The following KDM4C variants were observed in gnomAD, a reference collection of about 807,000 sequenced individuals.
KDM4C encodes the protein lysine demethylase 4C.
A neutral mutation model predicts 129.3 loss-of-function variants in KDM4C; 81 were observed. The observed-to-expected ratio is 0.63, with a 90% CI of 0.52 to 0.75. The LOEUF (loss-of-function observed/expected upper bound fraction) is 0.75, where lower values mean the gene tolerates loss of function less well. Ranked by LOEUF, KDM4C falls within the 30% of genes least tolerant of loss-of-function variation. The pLI, the probability that KDM4C is intolerant of heterozygous loss-of-function variation, is 0.00. For missense variants in KDM4C, 1,457 were observed against 1,304.0 expected (o/e 1.12, Z -1.81); for synonymous variants, 573 against 456.1 (o/e 1.26, Z -3.26).
chr9:6,747,539 C>CAAAAAAAAAA (rs35996555), intron 1 of KDM4C, among the ~76,000 whole-genome samples: 10 of 98,018 alleles, frequency 1.0e-4, no homozygotes, highest in African/African-American at 1.8e-4. Context: ...CAGGGCGATT[C>CAAAAAAAAAA]AAAAAAAAAA....
intron 18 of KDM4C, among the ~76,000 whole-genome samples, chr9:7,106,254 A>G (rs1436758641): frequency 6.6e-6 from 1 of 152,256 alleles, no homozygotes; most frequent in African/African-American, 2.4e-5. Flanking sequence ...TATCAAGCAT[A>G]GAAAAGTTCA....
chr9:6,986,900 C>CT (rs1299202017), intron 11 of KDM4C: 53 of 425,568 alleles, frequency 1.2e-4, no homozygotes, highest in Middle Eastern at 6.0e-4. Flanking sequence ...GCTTGATTTT[C>CT]TTTTTTTTGT....
chr9:7,089,238 GTATTT>G (rs1835504463), intron 17 of KDM4C, among the ~76,000 whole-genome samples: 1 of 145,344 alleles, frequency 6.9e-6, no homozygotes, highest in African/African-American at 2.6e-5. Flanking sequence ...CCTCACAGGT[GTATTT>G]TATTTTATTT....
intron 8 of KDM4C, among the ~76,000 whole-genome samples, chr9:6,928,855 A>C (rs935674912): frequency 6.6e-6 from 1 of 152,150 alleles, no homozygotes; most frequent in Non-Finnish European, 1.5e-5. Context: ...TTCCCTATGG[A>C]AGTAGTGTGA....
In KDM4C at chr9:6,893,279, G is replaced by T. The variant is rs369629519; in HGVS notation, c.921+47G>T. On this transcript the variant is annotated intron_variant, in intron 8 of 21. Coordinates refer to ENST00000381309, the MANE Select transcript of KDM4C (RefSeq NM_015061.6). The stretch of plus-strand genomic sequence containing the variant: ...AAGCAAAAATTAAATGTGTATTCTG[G>T]TTATTTTAGTAGGAACCCTACGATC... 30 of 1,513,962 alleles carry T rather than the reference G, an allele frequency of 2.0e-5. No homozygotes were observed. In the South Asian group the frequency reaches 2.3e-4, roughly 12 times the overall value. The allele number at this position is 1,513,962 out of a possible 1,614,324, so 93.8% of individuals were successfully genotyped here.
At chr9:7,089,210 A>G (rs1251283675) in intron 17 of KDM4C, among the ~76,000 whole-genome samples, 1 of 152,164 alleles carries the variant, frequency 6.6e-6, no homozygotes, top group Non-Finnish European at 1.5e-5. Flanking sequence ...ATAACGTAAA[A>G]AAATCAAATT....
intron 19 of KDM4C, among the ~76,000 whole-genome samples, chr9:7,149,524 C>T (rs1307048756): frequency 1.3e-5 from 2 of 152,230 alleles, no homozygotes; most frequent in Admixed American, 6.5e-5. Context: ...CTGTTCCCAG[C>T]CCCCATGTGC....
intron 12 of KDM4C, among the ~76,000 whole-genome samples, chr9:7,005,349 C>T (rs534518343): frequency 6.4e-4 from 96 of 150,604 alleles, no homozygotes; most frequent in African/African-American, 2.0e-3. Context: ...GCAGGAGAAT[C>T]GCTTGAACCC....
intron 18 of KDM4C, among the ~76,000 whole-genome samples, chr9:7,125,268 G>T (rs1451373543): frequency 6.6e-6 from 1 of 152,150 alleles, no homozygotes; most frequent in Non-Finnish European, 1.5e-5. Context: ...GTCTGTCCTT[G>T]ATTGTGTTCT....
In KDM4C at chr9:6,931,250, T is replaced by C. The variant is rs10975909; in HGVS notation, c.921+38018T>C. On this transcript the variant is annotated intron_variant, in intron 8 of 21. Transcript: ENST00000381309. ...TGTGAAACTACCATCGCCTGACTTA[T>C]CAGCTAAAGGAGTGTATACTGAACA... is the stretch of plus-strand genomic sequence containing the variant. Among the ~76,000 whole-genome samples the C allele has an allele frequency of 2.6e-3, 389 of 152,204 alleles. 3 individuals carry two copies. The East Asian group carries it at 0.026, about 10-fold the overall frequency.
At chr9:7,070,776 C>T (rs1833087755) in intron 17 of KDM4C, among the ~76,000 whole-genome samples, 1 of 152,150 alleles carries the variant, frequency 6.6e-6, no homozygotes, top group Non-Finnish European at 1.5e-5. Flanking sequence ...ACACTGAATT[C>T]TTTCCTGTGA....
chr9:7,070,987 G>C (rs999431415), intron 17 of KDM4C, among the ~76,000 whole-genome samples: 12 of 151,956 alleles, frequency 7.9e-5, no homozygotes, highest in Admixed American at 7.9e-4. Context: ...AGTTTTCAGG[G>C]GTACAAGGTT....
chr9:6,955,819 C>T (rs12346770), intron 8 of KDM4C, among the ~76,000 whole-genome samples: 6,193 of 152,268 alleles, frequency 0.041, 211 homozygotes, highest in African/African-American at 0.088. Flanking sequence ...ATTTCCAGAG[C>T]AAGTCACTAA....
intron 11 of KDM4C, among the ~76,000 whole-genome samples, chr9:6,988,565 T>G (rs2760651): frequency 0.82 from 125,072 of 151,998 alleles, 52,274 homozygotes; most frequent in Non-Finnish European, 0.89. Flanking sequence ...TTTGGTCAGT[T>G]TTTTTTAGTA....
At position 6,984,615 on chromosome 9, in the gene KDM4C, A is replaced by G. The variant is rs190187709; in HGVS notation, c.1354+211A>G. On this transcript the variant is annotated intron_variant, in intron 10 of 21. Transcript: ENST00000381309. ...CTATGTGTAGCAGAATTGTGAGACA[A>G]GCAGTCAGCAGTGCCTATTTGGTTT... Among the ~76,000 whole-genome samples the G allele has an allele frequency of 4.4e-3, 668 of 152,328 alleles. 5 individuals carry two copies. Among genetic ancestry groups the G allele is most frequent in the African/African-American group, 0.015 (642 of 41,578 alleles).
intron 17 of KDM4C, among the ~76,000 whole-genome samples, chr9:7,101,894 G>T (rs1837137959): frequency 6.6e-6 from 1 of 152,100 alleles, no homozygotes; most frequent in South Asian, 2.1e-4. Context: ...AAAATGCCCG[G>T]GGCTCCTGAT....
rs114634838 is a variant in KDM4C at position 6,891,815 on chromosome 9, G to A, written c.784-1280G>A. 5.3e-3 allele frequency among the ~76,000 whole-genome samples: 812 copies of A among 151,980 alleles called. 7 individuals carry two copies. The highest frequency in any genetic ancestry group is 0.019 in the African/African-American group (782 of 41,462). On this transcript the variant is annotated intron_variant, in intron 7 of 21. Transcript: ENST00000381309. ...TCCCAGAGATAAGTAATTTTCTGAG[G>A]TTGATATATTTAATAAATATATTTC...
intron 8 of KDM4C, among the ~76,000 whole-genome samples, chr9:6,926,763 A>G (rs1410087492): frequency 6.6e-6 from 1 of 152,226 alleles, no homozygotes; most frequent in Non-Finnish European, 1.5e-5. Context: ...CAGATTGTTA[A>G]AAGAAACTCT....
chr9:6,732,219 G>T (rs28832577), intron 1 of KDM4C, among the ~76,000 whole-genome samples: 1 of 151,308 alleles, frequency 6.6e-6, no homozygotes, highest in Non-Finnish European at 1.5e-5. Flanking sequence ...ACAAAAATTA[G>T]CCGGGCGTGG....
Sources: gnomAD v4.1 joint callset for allele counts (sites outside exome capture counted in the v4.1 genomes callset) on GRCh38, gnomAD v4.1.1 for gene constraint, MANE v1.5 for transcripts, NCBI Gene and HGNC (gene_info 2026-07-23, HGNC 2026-07-21) for gene names.